The following C13orf42 variants were observed in gnomAD, a reference collection of about 807,000 sequenced individuals.
C13orf42 encodes the protein uncharacterized protein C13orf42.
chr13:51,127,539 ACT>A (rs1953586261), intron 1 of C13orf42, among the ~76,000 whole-genome samples: 1 of 152,018 alleles, frequency 6.6e-6, no homozygotes, highest in Non-Finnish European at 1.5e-5. Flanking sequence ...GTGGAACCTG[ACT>A]CTGAAAACTT....
At chr13:51,098,068 A>C (rs1294160706) in intron 1 of C13orf42, among the ~76,000 whole-genome samples, 1 of 152,136 alleles carries the variant, frequency 6.6e-6, no homozygotes, top group South Asian at 2.1e-4. Context: ...GCACTTTCCA[A>C]ACAAAACTCC....
chr13:51,103,686 G>GCAAGA lies in C13orf42; in HGVS notation c.414+7105_414+7109dup, dbSNP rs1486313440. 3.4e-5 allele frequency among the ~76,000 whole-genome samples: 5 copies of GCAAGA among 146,774 alleles called. No individual in the cohort carries two copies. In the East Asian group the frequency reaches 1.0e-3, roughly 29 times the overall value. The stretch of plus-strand genomic sequence containing the variant: ...ACTGCATACCAGCGCGGGCCACAGT[G>GCAAGA]CAAGACTCTGTCTCAAAAAAAAGAA... On this transcript the variant is annotated intron_variant, in intron 1 of 3. Transcript: ENST00000563710.
rs770475401 is a variant in C13orf42 at position 51,083,318 on chromosome 13, C to T, written c.*833G>A. Reference sequence around the variant, plus strand: ...CTAAAATACAGAAATCCTTTCTATACCAAAAGAACGTAATGATTCTGATTG... The same window carrying T: ...CTAAAATACAGAAATCCTTTCTATATCAAAAGAACGTAATGATTCTGATTG... On this transcript the variant is annotated 3_prime_UTR_variant, in exon 4 of 4. Transcript: ENST00000563710. 9 of 152,034 alleles carry T rather than the reference C, an allele frequency of 5.9e-5. No homozygotes were observed. Among genetic ancestry groups the T allele is most frequent in the Non-Finnish European group, 1.3e-4 (9 of 68,004 alleles). 9.4% of individuals were successfully genotyped at this position (152,034 alleles called of 1,614,324 possible). A position where few individuals can be genotyped will look rare whatever the true frequency, so the allele number is the denominator to read the frequency against.
chr13:51,151,374 G>T (rs564949146), intron 1 of C13orf42, among the ~76,000 whole-genome samples: 46 of 115,106 alleles, frequency 4.0e-4, no homozygotes, highest in Admixed American at 3.7e-3. Flanking sequence ...AGCTGGAAAA[G>T]GAAAAAAAAA....
At chr13:51,139,527 G>C (rs1953681962) in intron 1 of C13orf42, among the ~76,000 whole-genome samples, 1 of 152,158 alleles carries the variant, frequency 6.6e-6, no homozygotes, top group Non-Finnish European at 1.5e-5. Flanking sequence ...CAGGAAGTGA[G>C]ACATTCTAAG....
chr13:51,158,033 G>C (rs192854765), intron 1 of C13orf42, among the ~76,000 whole-genome samples: 22 of 152,296 alleles, frequency 1.4e-4, no homozygotes, highest in African/African-American at 5.1e-4. Flanking sequence ...ACCAGGCTTT[G>C]CCACATTATT....
intron 1 of C13orf42, among the ~76,000 whole-genome samples, chr13:51,090,430 T>C (rs1016355725): frequency 1.3e-5 from 2 of 152,162 alleles, no homozygotes; most frequent in Non-Finnish European, 2.9e-5. Context: ...ATTCTTTGGC[T>C]GACCCAGCCT....
chr13:51,150,148 C>T (rs999376062), intron 1 of C13orf42, among the ~76,000 whole-genome samples: 3 of 152,244 alleles, frequency 2.0e-5, no homozygotes, highest in African/African-American at 7.2e-5. Context: ...GACAAAAACA[C>T]ATGATCAGCT....
rs139539627 is a variant in C13orf42, at chr13:51,110,452, G to T, written c.414+344C>A. On this transcript the variant is annotated intron_variant, in intron 1 of 3. Coordinates refer to ENST00000563710, the MANE Select transcript of C13orf42 (RefSeq NM_001351589.3). ...CTTCCTGGGTATTAAAAATAAACAT[G>T]GATCAAGAAACTACCAATCAGGCAC... 4.2e-3 allele frequency among the ~76,000 whole-genome samples: 636 copies of T among 152,124 alleles called. 4 individuals are homozygous for T. The highest frequency in any genetic ancestry group is 0.015 in the African/African-American group (605 of 41,492).
rs551844611 is a variant in C13orf42, at chr13:51,126,797, T to A, written n.137-13575A>T. Among the ~76,000 whole-genome samples, 3 of 152,200 alleles carry A rather than the reference T, an allele frequency of 2.0e-5. No homozygotes were observed. In the South Asian group the frequency reaches 6.2e-4, roughly 32 times the overall value. On this transcript the variant is annotated intron_variant and non_coding_transcript_variant, in intron 1 of 4. Coordinates refer to the C13orf42 transcript ENST00000433280. ...GTTCTTTTTGATGGACCAAGGCCAA[T>A]GCCACACCTGATTATTTCTGACAAA... is the stretch of plus-strand genomic sequence containing the variant.
At chr13:51,120,312 G>A (rs1330272997) in intron 1 of C13orf42, among the ~76,000 whole-genome samples, 1 of 152,040 alleles carries the variant, frequency 6.6e-6, no homozygotes, top group Non-Finnish European at 1.5e-5. Flanking sequence ...TGATGTGCCC[G>A]GCCTCCTATA....
intron 2 of C13orf42, 55 bp from the exon 3 acceptor site, chr13:51,085,614 AT>A (rs1292166200): frequency 7.5e-6 from 3 of 398,256 alleles, no homozygotes. Flanking sequence ...TGGGAGGCGC[AT>A]AAGGCAAAGG....
rs2138004040 is a variant in C13orf42, at chr13:51,111,123, G to A, written c.87C>T (p.Pro29=). 1 of 398,644 alleles carries A rather than the reference G, an allele frequency of 2.5e-6. No homozygotes were observed. Among genetic ancestry groups the A allele is most frequent in the Non-Finnish European group, 4.4e-6 (1 of 226,090 alleles). The allele number at this position is 398,644 out of a possible 1,614,324, so 24.7% of individuals were successfully genotyped here. ...AESPFYEGAS[P]AVKLIRSSSM... is the part of the protein sequence containing the mutation. Reference sequence around the variant, plus strand: ...AACTGCTTCGAATCAGCTTCACTGCGGGGCTGGCTCCTTCGTAGAAGGGGC... The same window carrying A: ...AACTGCTTCGAATCAGCTTCACTGCAGGGCTGGCTCCTTCGTAGAAGGGGC... Residue 29 remains proline, a synonymous_variant, in exon 1 of 4, where the codon CCC becomes CCT. Transcript: ENST00000563710.
chr13:51,089,965 G>T (rs1421745457), intron 1 of C13orf42, among the ~76,000 whole-genome samples: 1 of 151,942 alleles, frequency 6.6e-6, no homozygotes, highest in East Asian at 2.0e-4. Flanking sequence ...CATGGGTGGG[G>T]TGGCAGCTGA....
chr13:51,136,709 C>G (rs1164573836), intron 1 of C13orf42, among the ~76,000 whole-genome samples: 2 of 152,150 alleles, frequency 1.3e-5, no homozygotes, highest in Non-Finnish European at 2.9e-5. Flanking sequence ...TCTTCCCCAG[C>G]CCTGAAGAAG....
Position 51,085,370 on chromosome 13 carries a change from A to T in C13orf42, c.752T>A (p.Val251Glu), listed in dbSNP as rs1953110497. Reference sequence around the variant, plus strand: ...TTTCCAGGTGTTGAAGGCCCCTTCCACAGCCTTGGGCAAATAAATGGGGTG... The same window carrying T: ...TTTCCAGGTGTTGAAGGCCCCTTCCTCAGCCTTGGGCAAATAAATGGGGTG... ...ERHPIYLPKA[V>E]EGAFNTWKFK... is the part of the protein sequence containing the mutation. Residue 251 changes from valine to glutamate, a missense_variant, in exon 3 of 4, where the codon GTG becomes GAG. Physicochemically the swap from Val to Glu is moderately radical, Grantham distance 121. Transcript: ENST00000563710. 2.5e-6 allele frequency: 1 copy of T among 398,582 alleles called. No homozygotes were observed. The highest frequency in any genetic ancestry group is 4.4e-6 in the Non-Finnish European group (1 of 226,070). The allele number at this position is 398,582 out of a possible 1,614,324, so 24.7% of individuals were successfully genotyped here.
At chr13:51,086,957 G>T (rs558388847) in intron 2 of C13orf42, among the ~76,000 whole-genome samples, 2 of 152,072 alleles carry the variant, frequency 1.3e-5, no homozygotes, top group South Asian at 2.1e-4. Context: ...ATCTATCAAG[G>T]CCAGAACAAC....
At chr13:51,162,120 T>A in intron 1 of C13orf42, 1 of 305,736 alleles carries the variant, frequency 3.3e-6, no homozygotes, top group South Asian at 3.8e-5. Flanking sequence ...GCACAGACTA[T>A]CATGTCCCAT....
At chr13:51,125,413 T>C (rs561058690) in intron 1 of C13orf42, among the ~76,000 whole-genome samples, 1 of 152,286 alleles carries the variant, frequency 6.6e-6, no homozygotes, top group South Asian at 2.1e-4. Context: ...TTTTAGGGCA[T>C]AGATTATGCT....
Sources: gnomAD v4.1 joint callset for allele counts (sites outside exome capture counted in the v4.1 genomes callset) on GRCh38, gnomAD v4.1.1 for gene constraint, MANE v1.5 for transcripts, NCBI Gene and HGNC (gene_info 2026-07-23, HGNC 2026-07-21) for gene names.